The following MTMR11 variants were observed in gnomAD, a reference collection of about 807,000 sequenced individuals.
The protein encoded by MTMR11 is myotubularin related protein 11, also known as myotubularin-related protein 11.
In MTMR11, 89 loss-of-function variants were observed where a neutral mutation model predicts 100.0. The ratio of observed to expected loss-of-function variants is 0.89; its 90% CI spans 0.75 to 1.06. The LOEUF is 1.06. MTMR11 is among the 50% of genes least tolerant of loss of function. The pLI, the probability that MTMR11 is intolerant of heterozygous loss-of-function variation, is 0.00. For missense variants in MTMR11, 809 were observed against 873.7 expected (o/e 0.93, Z 0.93); for synonymous variants, 336 against 326.3 (o/e 1.03, Z -0.32).
chr1:149,930,981 G>C lies in MTMR11; in HGVS notation c.1291-16C>G. Reference sequence around the variant, plus strand: ...ACACCGGAGCCTGAAAAGAAATTAAGAGGTTGGAAGGGATTATTGGGACCC... The same window carrying C: ...ACACCGGAGCCTGAAAAGAAATTAACAGGTTGGAAGGGATTATTGGGACCC... On this transcript the variant is annotated splice_polypyrimidine_tract_variant and intron_variant, in intron 13 of 16. Transcript: ENST00000439741. The C allele has an allele frequency of 6.3e-7, 1 of 1,585,064 alleles. No individual in the cohort carries two copies. Among genetic ancestry groups the C allele is most frequent in the Non-Finnish European group, 8.6e-7 (1 of 1,168,548 alleles).
intron 1 of MTMR11, 74 bp downstream of exon 1, chr1:149,936,508 G>T: frequency 2.3e-6 from 3 of 1,304,630 alleles, no homozygotes; most frequent in Non-Finnish European, 3.2e-6. Context: ...TAGAGCCTTT[G>T]CTTCCCCCTT....
intron 16 of MTMR11, 62 bp downstream of exon 16, chr1:149,929,561 G>C: frequency 6.5e-7 from 1 of 1,529,502 alleles, no homozygotes; most frequent in Non-Finnish European, 8.8e-7. Context: ...TCCAGCTCCT[G>C]TTCATCTGGT....
intron 1 of MTMR11, 84 bp downstream of exon 1, chr1:149,936,498 T>C: frequency 1.6e-6 from 2 of 1,277,740 alleles, no homozygotes; most frequent in African/African-American, 3.0e-5. Flanking sequence ...CCTCCTCCTC[T>C]AGAGCCTTTG....
chr1:149,929,774 A>G lies in MTMR11; in HGVS notation c.1790T>C (p.Ile597Thr), dbSNP rs2092631809. The G allele has an allele frequency of 6.2e-7, 1 of 1,614,044 alleles. No homozygotes were observed. The highest frequency in any genetic ancestry group is 1.3e-5 in the African/African-American group (1 of 74,914). The change falls in exon 16 of 17, where the codon ATC (isoleucine) becomes ACC (threonine). Residue 597 changes from isoleucine to threonine, a missense_variant. Coordinates refer to ENST00000439741, the MANE Select transcript of MTMR11 (RefSeq NM_001145862.2). ...CTGGTCAGCCAGGCTTTCAGAGGAG[A>G]TAGCAGGTCGAGGGAGCCAACGAGA... ...VSSRWLPRPA[I>T]SSESLADQEW...
intron 12 of MTMR11, 38 bp from the exon 13 acceptor site, chr1:149,931,464 G>T (rs587759324): frequency 2.0e-6 from 3 of 1,533,596 alleles, no homozygotes; most frequent in Non-Finnish European, 2.6e-6. Flanking sequence ...AAGAAGAGGG[G>T]TCCAAGAAAC....
At chr1:149,935,805 A>G (rs1444568054) in intron 2 of MTMR11, 100 bp from the exon 3 acceptor site, 2 of 1,367,872 alleles carry the variant, frequency 1.5e-6, no homozygotes, top group Non-Finnish European at 2.0e-6. Context: ...AATAGGGAAG[A>G]TTAAAATCCT....
At chr1:149,935,452 G>T in intron 3 of MTMR11, 93 bp from the exon 4 acceptor site, 1 of 1,580,214 alleles carries the variant, frequency 6.3e-7, no homozygotes, top group East Asian at 2.2e-5. Flanking sequence ...AACAACCCTA[G>T]AGAGAGTTCC....
chr1:149,931,183 T>C (rs2092655788), intron 13 of MTMR11, 77 bp downstream of exon 13: 4 of 1,584,840 alleles, frequency 2.5e-6, no homozygotes, highest in Non-Finnish European at 3.4e-6. Flanking sequence ...TCACCTCCAA[T>C]GGATTATACA....
At chr1:149,934,063 G>A in intron 7 of MTMR11, 121 bp from the exon 8 acceptor site, 1 of 1,546,814 alleles carries the variant, frequency 6.5e-7, no homozygotes, top group Non-Finnish European at 8.9e-7. Context: ...AGGGATCTAG[G>A]AGGCAAGGGA....
At chr1:149,930,295 C>G in intron 15 of MTMR11, 70 bp downstream of exon 15, 1 of 1,444,724 alleles carries the variant, frequency 6.9e-7, no homozygotes, top group Non-Finnish European at 9.5e-7. Flanking sequence ...TTTTGTCTTT[C>G]ACTTCTCACT....
At chr1:149,929,400 A>G in intron 16 of MTMR11, 83 bp from the exon 17 acceptor site, 2 of 1,356,578 alleles carry the variant, frequency 1.5e-6, no homozygotes, top group East Asian at 2.3e-5. Flanking sequence ...GGTGTCTTTA[A>G]TTCTGTTTCC....
intron 4 of MTMR11, 83 bp downstream of exon 4, chr1:149,935,216 T>C: frequency 6.2e-7 from 1 of 1,607,240 alleles, no homozygotes; most frequent in Non-Finnish European, 8.5e-7. Flanking sequence ...CCATCCCTGC[T>C]GTTTTCTGAG....
At chr1:149,932,650 A>G (rs2092674818) in intron 10 of MTMR11, among the ~76,000 whole-genome samples, 1 of 152,150 alleles carries the variant, frequency 6.6e-6, no homozygotes, top group African/African-American at 2.4e-5. Context: ...AGGTGAGTAG[A>G]AAACAGTCTC....
Position 149,936,727 on chromosome 1 carries a change from G to T in MTMR11, c.-80C>A. ...CTCACCCACCTCGGGGAGAGGCTGA[G>T]TCTTGTTGAGAAGAGGGGTGTTAGG... is the stretch of plus-strand genomic sequence containing the variant. On this transcript the variant is annotated 5_prime_UTR_variant, in exon 1 of 17. Transcript: ENST00000439741. The T allele has an allele frequency of 1.0e-6, 1 of 954,036 alleles. No individual in the cohort carries two copies. Among genetic ancestry groups the T allele is most frequent in the Non-Finnish European group, 1.7e-6 (1 of 605,698 alleles). 59.1% of individuals were successfully genotyped at this position (954,036 alleles called of 1,614,324 possible). A position where few individuals can be genotyped will look rare whatever the true frequency, so the allele number is the denominator to read the frequency against.
Position 149,928,862 on chromosome 1 carries a change from A to T in MTMR11, c.*267T>A. The T allele has an allele frequency of 6.2e-7, 1 of 1,612,644 alleles. No homozygotes were observed. The highest frequency in any genetic ancestry group is 8.5e-7 in the Non-Finnish European group (1 of 1,178,650). ...ACTGATGAACAGCATCTCTGATCTCATGATTTAACATCTGGTTATCCAGAA... is the reference window on the plus strand; with the variant it reads ...ACTGATGAACAGCATCTCTGATCTCTTGATTTAACATCTGGTTATCCAGAA... On this transcript the variant is annotated 3_prime_UTR_variant, in exon 17 of 17. Transcript: ENST00000439741.
chr1:149,929,534 CT>C (rs1553766898), intron 16 of MTMR11, 88 bp downstream of exon 16: 1 of 1,454,710 alleles, frequency 6.9e-7, no homozygotes. Context: ...CTCCCAGAGG[CT>C]TCAGCTCCTT....
At chr1:149,930,704 C>G in intron 14 of MTMR11, 88 bp downstream of exon 14, 1 of 1,425,850 alleles carries the variant, frequency 7.0e-7, no homozygotes, top group Non-Finnish European at 9.4e-7. Flanking sequence ...TCACAGACCT[C>G]ACTTCTCATA....
Position 149,935,605 on chromosome 1 carries a change from G to A in MTMR11, c.243C>T (p.Pro81=), listed in dbSNP as rs782140957. The A allele has an allele frequency of 1.2e-6, 2 of 1,613,890 alleles. No homozygotes were observed. Among genetic ancestry groups the A allele is most frequent in the Non-Finnish European group, 1.7e-6 (2 of 1,179,958 alleles). Residue 81 remains proline (P), a synonymous_variant, in exon 3 of 17, where the codon CCC becomes CCT. Transcript: ENST00000439741. ...ICTNFRVTFQ[P]CGWQWNQDTP... ...TCACCTGATTCCACTGCCATCCACA[G>A]GGCTGGAAGGTGACCCTAAAGTTGG...
At chr1:149,933,767 C>A (rs1398454449) in intron 8 of MTMR11, 69 bp from the exon 9 acceptor site, 19 of 1,608,922 alleles carry the variant, frequency 1.2e-5, no homozygotes, top group African/African-American at 4.0e-5. Flanking sequence ...TGCCCCCACA[C>A]TGACCTCACA....
Sources: gnomAD v4.1 joint callset for allele counts (sites outside exome capture counted in the v4.1 genomes callset) on GRCh38, gnomAD v4.1.1 for gene constraint, MANE v1.5 for transcripts, NCBI Gene and HGNC (gene_info 2026-07-23, HGNC 2026-07-21) for gene names.